Variants in CDH2 observed in about 807,000 individuals in gnomAD.
CDH2 encodes cadherin 2.
In CDH2, 17 loss-of-function variants were observed where a neutral mutation model predicts 92.0. The ratio of observed to expected loss-of-function variants is 0.18; its 90% CI spans 0.13 to 0.28. The LOEUF (loss-of-function observed/expected upper bound fraction) is 0.28. Among genes scored for constraint, CDH2 ranks in the 10% least tolerant of loss-of-function variants. The pLI is 1.00. For missense variants in CDH2, 862 were observed against 1,133.1 expected (o/e 0.76, Z 3.44); for synonymous variants, 419 against 415.9 (o/e 1.01, Z -0.09).
downstream of CDH2, among the ~76,000 whole-genome samples, chr18:27,946,558 T>C (rs1343668247): frequency 1.3e-5 from 2 of 151,958 alleles, no homozygotes; most frequent in East Asian, 3.9e-4. Context: ...AATGATAAAA[T>C]TGTAGGAGAA....
At chr18:28,119,200 G>C (rs1477799006) in intron 2 of CDH2, among the ~76,000 whole-genome samples, 2 of 152,102 alleles carry the variant, frequency 1.3e-5, no homozygotes, top group Non-Finnish European at 2.9e-5. Flanking sequence ...ACTCGGACCA[G>C]GTACAGCCAC....
intron 2 of CDH2, among the ~76,000 whole-genome samples, chr18:28,140,721 C>A (rs1256342356): frequency 1.3e-5 from 2 of 150,570 alleles, no homozygotes; most frequent in Admixed American, 6.7e-5. Flanking sequence ...TATAGTAGTT[C>A]AAAAAGACTA....
chr18:27,976,220 T>C (rs898063978), intron 14 of CDH2, among the ~76,000 whole-genome samples: 4 of 152,218 alleles, frequency 2.6e-5, no homozygotes, highest in Admixed American at 1.3e-4. Context: ...CTCTGCCTCC[T>C]GCCTTTATCA....
intron 2 of CDH2, among the ~76,000 whole-genome samples, chr18:28,134,334 T>C (rs1371428963): frequency 6.6e-6 from 1 of 152,040 alleles, no homozygotes; most frequent in Non-Finnish European, 1.5e-5. Flanking sequence ...TGGCTGATGA[T>C]ACCAACTACC....
intron 6 of CDH2, among the ~76,000 whole-genome samples, chr18:27,938,921 A>G (rs1184231044): frequency 2.0e-5 from 3 of 152,240 alleles, no homozygotes; most frequent in Admixed American, 6.5e-5. Context: ...TCAAATGTTC[A>G]AATGGTATAA....
At chr18:28,029,880 G>A (rs1419331190) in intron 2 of CDH2, among the ~76,000 whole-genome samples, 2 of 151,898 alleles carry the variant, frequency 1.3e-5, no homozygotes, top group African/African-American at 4.8e-5. Context: ...ATTTTTCAGA[G>A]GTAAAGAATT....
At chr18:28,173,581 A>G (rs1037163861) in intron 1 of CDH2, among the ~76,000 whole-genome samples, 2 of 152,160 alleles carry the variant, frequency 1.3e-5, no homozygotes, top group Non-Finnish European at 2.9e-5. Context: ...GGTGAAAAAC[A>G]CATAAGGTTT....
In CDH2 at chr18:27,984,840, T is replaced by C. The variant is rs113858779; in HGVS notation, c.2209+160A>G. On this transcript the variant is annotated intron_variant, in intron 13 of 15. Coordinates refer to ENST00000269141, the MANE Select transcript of CDH2 (RefSeq NM_001792.5). ...GAAACAATGCTCTGGGGTTTTTTCA[T>C]TCTAAAGTGGACTTGGTCGACCCAT... Among the ~76,000 whole-genome samples the C allele has an allele frequency of 3.0e-3, 462 of 152,324 alleles. 2 individuals carry two copies. The highest frequency in any genetic ancestry group is 0.01 in the African/African-American group (436 of 41,570).
chr18:28,027,235 TACA>T (rs926254967), intron 2 of CDH2, among the ~76,000 whole-genome samples: 1 of 151,936 alleles, frequency 6.6e-6, no homozygotes, highest in Non-Finnish European at 1.5e-5. Flanking sequence ...TTGAGTGACC[TACA>T]ACAAGACAGT....
intron 2 of CDH2, among the ~76,000 whole-genome samples, chr18:28,052,849 T>C (rs2014219053): frequency 6.6e-6 from 1 of 152,188 alleles, no homozygotes; most frequent in Admixed American, 6.5e-5. Flanking sequence ...GGGCTGAATG[T>C]GTCCCCTTAA....
chr18:27,988,569 C>A lies in CDH2; in HGVS notation c.1696G>T (p.Val566Leu), dbSNP rs752473363. ...GTAGCATTATATATATTGTTTTTCA[C>A]ATTTGGTGATTCTCGGTCCAAAACA... Reference protein sequence around the residue: ...IAVLDRESPNVKNNIYNATFL... With the variant: ...IAVLDRESPNLKNNIYNATFL... Residue 566 changes from valine (V) to leucine (L), a missense_variant, in exon 11 of 16, where the codon GTG becomes TTG. Around this residue, in one of 5 missense-constraint regions of CDH2, gnomAD observed 564 missense variants for 722.2 expected, o/e 0.78. Coordinates refer to ENST00000269141, the MANE Select transcript of CDH2 (RefSeq NM_001792.5). The A allele has an allele frequency of 1.2e-6, 2 of 1,612,974 alleles. No homozygotes were observed. The highest frequency in any genetic ancestry group is 3.3e-5 in the Admixed American group (2 of 59,976).
chr18:28,137,827 G>C (rs1275482098), intron 2 of CDH2, among the ~76,000 whole-genome samples: 1 of 151,994 alleles, frequency 6.6e-6, no homozygotes, highest in Non-Finnish European at 1.5e-5. Flanking sequence ...GAGATCTAAA[G>C]CAGTCATAAC....
Position 27,988,576 on chromosome 18 carries a change from T to C in CDH2, c.1689A>G (p.Ser563=). 6.2e-7 allele frequency: 1 copy of C among 1,612,804 alleles called. No individual in the cohort carries two copies. The highest frequency in any genetic ancestry group is 8.5e-7 in the Non-Finnish European group (1 of 1,178,846). The change falls in exon 11 of 16, where the codon TCA becomes TCG. Residue 563 remains serine, a synonymous_variant. Coordinates refer to ENST00000269141, the MANE Select transcript of CDH2 (RefSeq NM_001792.5). ...ITTIAVLDRE[S]PNVKNNIYNA... is the part of the protein sequence containing the mutation. ...TATATATATTGTTTTTCACATTTGG[T>C]GATTCTCGGTCCAAAACAGCAATTG...
At chr18:27,952,654 TGAATG>T (rs1459647870) in intron 15 of CDH2, among the ~76,000 whole-genome samples, 1 of 151,892 alleles carries the variant, frequency 6.6e-6, no homozygotes, top group African/African-American at 2.4e-5. Flanking sequence ...GTGGCAGAAA[TGAATG>T]GCCCTGCTTG....
At chr18:28,049,138 C>G (rs1237632246) in intron 2 of CDH2, among the ~76,000 whole-genome samples, 1 of 152,012 alleles carries the variant, frequency 6.6e-6, no homozygotes, top group Non-Finnish European at 1.5e-5. Flanking sequence ...ACTTTTCAAG[C>G]AGAGGGCTTC....
intron 7 of CDH2, 58 bp downstream of exon 7, chr18:28,002,939 G>A: frequency 7.1e-7 from 1 of 1,405,094 alleles, no homozygotes; most frequent in Non-Finnish European, 1.0e-6. Context: ...TATGTGATAT[G>A]ATATTGTGCA....
Position 27,985,017 on chromosome 18 carries a change from C to G in CDH2, c.2192G>C (p.Cys731Ser), listed in dbSNP as rs1599010219. 3.1e-6 allele frequency: 5 copies of G among 1,613,024 alleles called. No homozygotes were observed. The East Asian group carries it at 1.1e-4, about 36-fold the overall frequency. The change falls in exon 13 of 16, where the codon TGC becomes TCC. Residue 731 changes from cysteine (C) to serine (S), a missense_variant. Cys to Ser is a moderately radical substitution (Grantham distance 112, BLOSUM62 -1). Transcript: ENST00000269141. ...GTGAIIAILL[C>S]IIILLILVLM... ...GTACTCACTAAGCAGGATGATGATG[C>G]AGAGCAGGATGGCAATGATGGCACC...
rs966179211 is a variant in CDH2, at chr18:27,985,022, C to T, written c.2187G>A (p.Leu729=). Residue 729 remains leucine, a synonymous_variant, in exon 13 of 16, where the codon CTG becomes CTA. Transcript: ENST00000269141. The stretch of plus-strand genomic sequence containing the variant: ...CACTAAGCAGGATGATGATGCAGAG[C>T]AGGATGGCAATGATGGCACCGGTGC... ...GLGTGAIIAI[L]LCIIILLILV... 3.1e-6 allele frequency: 5 copies of T among 1,613,468 alleles called. No individual in the cohort carries two copies. The highest frequency in any genetic ancestry group is 4.2e-6 in the Non-Finnish European group (5 of 1,179,532).
chr18:28,016,352 A>C (rs2013245648), intron 2 of CDH2, among the ~76,000 whole-genome samples: 2 of 152,298 alleles, frequency 1.3e-5, no homozygotes, highest in South Asian at 4.1e-4. Context: ...ATATCCACTA[A>C]TATCTTACAA....
Sources: allele counts gnomAD v4.1 joint callset (sites outside exome capture counted in the v4.1 genomes callset), GRCh38; gene constraint gnomAD v4.1.1; regional missense constraint gnomAD v4.1.1; transcripts MANE v1.5; gene names NCBI Gene and HGNC (gene_info 2026-07-23, HGNC 2026-07-21).